Variants in BAHD1 observed in about 807,000 individuals in gnomAD.
BAHD1 encodes bromo adjacent homology domain containing 1.
In BAHD1, 20 loss-of-function variants were observed where a neutral mutation model predicts 63.1. That is an observed-to-expected ratio of 0.32 (90% CI 0.22 to 0.46). The LOEUF is 0.46. BAHD1 is among the 20% of genes least tolerant of loss of function. The pLI is 1.00. For missense variants in BAHD1, 939 were observed against 1,071.8 expected (o/e 0.88, Z 1.73); for synonymous variants, 408 against 426.8 (o/e 0.96, Z 0.54).
intron 1 of BAHD1, 88 bp downstream of exon 1, chr15:40,441,356 G>C (rs895007350): frequency 6.7e-6 from 1 of 150,352 alleles, no homozygotes. Flanking sequence ...AAGGGGGAGA[G>C]CACCGGCCGC....
intron 1 of BAHD1, among the ~76,000 whole-genome samples, chr15:40,447,088 G>A (rs550486119): frequency 2.6e-5 from 4 of 152,246 alleles, no homozygotes; most frequent in South Asian, 2.1e-4. Flanking sequence ...TGTAGAAATC[G>A]TGGGAAAGGT....
intron 1 of BAHD1, among the ~76,000 whole-genome samples, chr15:40,456,689 C>A (rs912132139): frequency 6.6e-6 from 1 of 152,222 alleles, no homozygotes; most frequent in Non-Finnish European, 1.5e-5. Flanking sequence ...CCCTGGGAGC[C>A]CTCAGGCTTG....
intron 5 of BAHD1, 75 bp from the exon 6 acceptor site, chr15:40,465,260 G>C: frequency 7.5e-7 from 1 of 1,333,426 alleles, no homozygotes; most frequent in Middle Eastern, 1.8e-4. Flanking sequence ...CCAGCAGAGG[G>C]GTTAATGTCT....
intron 1 of BAHD1, among the ~76,000 whole-genome samples, chr15:40,445,265 A>C (rs1187839318): frequency 6.6e-6 from 1 of 151,388 alleles, no homozygotes; most frequent in Non-Finnish European, 1.5e-5. Context: ...GTAAAAAAAA[A>C]AAAAAAAAAA....
At chr15:40,447,954 A>G (rs191393986) in intron 1 of BAHD1, among the ~76,000 whole-genome samples, 32 of 152,304 alleles carry the variant, frequency 2.1e-4, no homozygotes, top group Middle Eastern at 3.4e-3. Flanking sequence ...TCTAGGATAT[A>G]AAATGTTTGT....
intron 1 of BAHD1, among the ~76,000 whole-genome samples, chr15:40,452,285 C>G (rs1380578044): frequency 6.6e-6 from 1 of 152,224 alleles, no homozygotes; most frequent in Non-Finnish European, 1.5e-5. Context: ...TGCTCTCTCT[C>G]TCTCTTTGAG....
chr15:40,439,291 T>C (rs1893339725), upstream of BAHD1, among the ~76,000 whole-genome samples: 1 of 151,840 alleles, frequency 6.6e-6, no homozygotes, highest in Non-Finnish European at 1.5e-5. Flanking sequence ...TTTAAGTGTG[T>C]CCCCCCAAAC....
intron 5 of BAHD1, 102 bp downstream of exon 5, chr15:40,464,649 A>T: frequency 1.0e-6 from 1 of 976,936 alleles, no homozygotes; most frequent in Non-Finnish European, 1.6e-6. Flanking sequence ...GCTGTAGTCA[A>T]ATCCCTGCGC....
intron 1 of BAHD1, among the ~76,000 whole-genome samples, chr15:40,444,166 A>G (rs1893475192): frequency 6.6e-6 from 1 of 152,166 alleles, no homozygotes; most frequent in Admixed American, 6.5e-5. Context: ...TGCTGTGCAC[A>G]TCATTTTTGT....
At position 40,458,464 on chromosome 15, in the gene BAHD1, C is replaced by A; in HGVS notation, c.-1C>A. 1 of 1,574,766 alleles carries A rather than the reference C, an allele frequency of 6.4e-7. No individual in the cohort carries two copies. The highest frequency in any genetic ancestry group is 8.6e-7 in the Non-Finnish European group (1 of 1,158,006). ...TCTGTCCTGCAGGTTGGAAGTACTC[C>A]ATGACACACACTCGGAGAAAGTCCC... On this transcript the variant is annotated 5_prime_UTR_variant, in exon 2 of 7. Coordinates refer to ENST00000416165, the MANE Select transcript of BAHD1 (RefSeq NM_014952.5). This position sits in a 1 kb window ranked among gnomAD's most constrained non-coding sequence, Gnocchi z 4.7.
At position 40,459,569 on chromosome 15, in the gene BAHD1, G is replaced by T; in HGVS notation, c.1105G>T (p.Val369Phe). ...CCCCGCCGACTACAATGGCCTGTGTGTTGGGCCTGAGCTCACTGCACTAGG... is the reference window on the plus strand; with the variant it reads ...CCCCGCCGACTACAATGGCCTGTGTTTTGGGCCTGAGCTCACTGCACTAGG... Reference protein sequence around the residue: ...GNPADYNGLCVGPELTALGSF... With the variant: ...GNPADYNGLCFGPELTALGSF... Residue 369 changes from valine to phenylalanine, a missense_variant, in exon 2 of 7, where the codon GTT (valine) becomes TTT (phenylalanine). Coordinates refer to ENST00000416165, the MANE Select transcript of BAHD1 (RefSeq NM_014952.5). The T allele has an allele frequency of 1.2e-6, 2 of 1,614,194 alleles. No homozygotes were observed. Among genetic ancestry groups the T allele is most frequent in the Admixed American group, 3.3e-5 (2 of 60,034 alleles).
chr15:40,449,357 A>G (rs1039427524), intron 1 of BAHD1, among the ~76,000 whole-genome samples: 2 of 152,188 alleles, frequency 1.3e-5, no homozygotes, highest in South Asian at 2.1e-4. Context: ...TGCTAACTTT[A>G]GTTCTTTGCT....
Position 40,465,951 on chromosome 15 carries a change from A to G in BAHD1, c.2164A>G (p.Met722Val), listed in dbSNP as rs747495316. ...GGTATCTCTCTACAGGTTCTGTGCCATGGCCAAGCGCCGAGGTGAAGGCCT... is the reference window on the plus strand; with the variant it reads ...GGTATCTCTCTACAGGTTCTGTGCCGTGGCCAAGCGCCGAGGTGAAGGCCT... ...TFAEYCRFCA[M>V]AKRRGEGLPS... Residue 722 changes from methionine to valine, a missense_variant, in exon 7 of 7, where the codon ATG (methionine) becomes GTG (valine). Physicochemically the swap from Met to Val is conservative, Grantham distance 21. This residue lies in a region of BAHD1 where 68 missense variants were observed against 86.2 expected (regional missense o/e 0.79). Coordinates refer to ENST00000416165, the MANE Select transcript of BAHD1 (RefSeq NM_014952.5). The G allele has an allele frequency of 1.3e-6, 2 of 1,593,672 alleles. No individual in the cohort carries two copies. Among genetic ancestry groups the G allele is most frequent in the South Asian group, 1.1e-5 (1 of 88,138 alleles).
rs182242578 is a variant in BAHD1 at position 40,464,431 on chromosome 15, G to T, written c.1976-40G>T. ...CTCTCTGCCTGTCTAAGTAACTCAG[G>T]TTGCCAGTTCAAGCCATAACCACTG... On this transcript the variant is annotated intron_variant, in intron 4 of 6. Transcript: ENST00000416165. 368 of 1,564,432 alleles carry T rather than the reference G, an allele frequency of 2.4e-4. No homozygotes were observed. The African/African-American group carries it at 4.5e-3, about 19-fold the overall frequency.
Position 40,458,562 on chromosome 15 carries a change from G to A in BAHD1, c.98G>A (p.Gly33Glu). The A allele has an allele frequency of 6.2e-7, 1 of 1,614,028 alleles. No individual in the cohort carries two copies. Among genetic ancestry groups the A allele is most frequent in the Non-Finnish European group, 8.5e-7 (1 of 1,179,994 alleles). ...ATGGAAGACAGCAACATGGAGCAGG[G>A]GGTTGAGGGTGTGGAGCCAGGCATG... The part of the protein sequence containing the change: ...LQMEDSNMEQ[G>E]VEGVEPGMPE... Residue 33 changes from glycine to glutamate, a missense_variant, in exon 2 of 7, where the codon GGG (glycine) becomes GAG (glutamate). Physicochemically the swap from Gly to Glu is moderately conservative, Grantham distance 98 (BLOSUM62 -2). Around this residue, in one of 5 missense-constraint regions of BAHD1, gnomAD observed 797 missense variants for 813.3 expected, o/e 0.98. Coordinates refer to ENST00000416165, the MANE Select transcript of BAHD1 (RefSeq NM_014952.5). This position sits in a 1 kb window ranked among gnomAD's most constrained non-coding sequence, Gnocchi z 4.7.
At chr15:40,447,691 G>C (rs1303839797) in intron 1 of BAHD1, among the ~76,000 whole-genome samples, 1 of 152,148 alleles carries the variant, frequency 6.6e-6, no homozygotes, top group East Asian at 1.9e-4. Flanking sequence ...CCCAGAGGGA[G>C]GTAGACAAGG....
rs368432448 is a variant in BAHD1, at chr15:40,463,816, A to G, written c.1816-45A>G. The G allele has an allele frequency of 2.5e-6, 4 of 1,607,142 alleles. No homozygotes were observed. In the African/African-American group the frequency reaches 4.0e-5, roughly 16 times the overall value. On this transcript the variant is annotated intron_variant, in intron 3 of 6. Coordinates refer to ENST00000416165, the MANE Select transcript of BAHD1 (RefSeq NM_014952.5). ...ATTCCCTCTCTCTGTCCTTACTCTGAGTGTGGCTCTGCAAGCCTATTTGTG... is the reference window on the plus strand; with the variant it reads ...ATTCCCTCTCTCTGTCCTTACTCTGGGTGTGGCTCTGCAAGCCTATTTGTG...
intron 1 of BAHD1, among the ~76,000 whole-genome samples, chr15:40,442,170 C>G (rs1406178824): frequency 6.6e-6 from 1 of 151,780 alleles, no homozygotes; most frequent in Non-Finnish European, 1.5e-5. Context: ...CCGAGGGGCT[C>G]GCTTGGCGGT....
chr15:40,467,984 A>G lies in BAHD1; in HGVS notation c.*1854A>G, dbSNP rs1304826850. The G allele has an allele frequency of 6.6e-6, 1 of 152,622 alleles. No individual in the cohort carries two copies. Among genetic ancestry groups the G allele is most frequent in the Non-Finnish European group, 1.5e-5 (1 of 68,046 alleles). 9.5% of individuals were successfully genotyped at this position (152,622 alleles called of 1,614,324 possible). On this transcript the variant is annotated 3_prime_UTR_variant, in exon 7 of 7. Transcript: ENST00000416165. ...CTTAAATGCTTTTGAAATCTCTTAG[A>G]TGTGGAAATATTTTTTCGAACCTGA...
Sources: allele counts gnomAD v4.1 joint callset (sites outside exome capture counted in the v4.1 genomes callset), GRCh38; gene constraint gnomAD v4.1.1; regional missense constraint gnomAD v4.1.1; non-coding constraint Gnocchi (gnomAD v3.1); transcripts MANE v1.5; gene names NCBI Gene and HGNC (gene_info 2026-07-23, HGNC 2026-07-21).